The following IRAK1 variants were observed in gnomAD, a reference collection of about 807,000 sequenced individuals.
The protein encoded by IRAK1 is interleukin-1 receptor-associated kinase 1.
In IRAK1, 9 loss-of-function variants were observed where a neutral mutation model predicts 49.8. That is an observed-to-expected ratio of 0.18 (90% CI 0.11 to 0.32). The LOEUF is 0.32. IRAK1 is among the 10% of genes least tolerant of loss of function. IRAK1 has a pLI of 1.00. For missense variants in IRAK1, 418 were observed against 600.5 expected (o/e 0.70, Z 3.18); for synonymous variants, 282 against 270.8 (o/e 1.04, Z -0.41).
chrX:154,018,963 G>A lies in IRAK1; in HGVS notation c.540+12C>T, dbSNP rs1557130508. The A allele has an allele frequency of 2.6e-6, 3 of 1,162,668 alleles. No individual in the cohort carries two copies. Among genetic ancestry groups the A allele is most frequent in the Non-Finnish European group, 3.5e-6 (3 of 860,588 alleles). The stretch of plus-strand genomic sequence containing the variant: ...TGTCTCGAATCTTCCCTGGGGGGCA[G>A]GGGACACCTACCTTGGTAGAAGAAG... On this transcript the variant is annotated intron_variant, in intron 4 of 13. Transcript: ENST00000369980.
In IRAK1 at chrX:154,013,115, A is replaced by G. The variant is rs782809222; in HGVS notation, c.1858T>C (p.Cys620Arg). Residue 620 changes from cysteine to arginine, a missense_variant, in exon 12 of 14, where the codon TGT becomes CGT. Around this residue, in one of 3 missense-constraint regions of IRAK1, gnomAD observed 377 missense variants for 499.5 expected, o/e 0.75. Transcript: ENST00000369980. The part of the protein sequence containing the change: ...LDPAPLREAG[C>R]PQGDTAGESS... The stretch of plus-strand genomic sequence containing the variant: ...TCTCCTGCCGTGTCCCCCTGAGGAC[A>G]GCCGGCCTCCCTGAGGGGTGCTGGG... The G allele has an allele frequency of 8.3e-7, 1 of 1,209,808 alleles. No homozygotes were observed. Among genetic ancestry groups the G allele is most frequent in the Non-Finnish European group, 1.1e-6 (1 of 895,215 alleles).
At position 154,018,035 on chromosome X, in the gene IRAK1, C is replaced by T; in HGVS notation, c.880G>A (p.Gly294Ser). Reference protein sequence around the residue: ...YCLVYGFLPNGSLEDRLHCQT... With the variant: ...YCLVYGFLPNSSLEDRLHCQT... ...CAGTGGAGACGGTCCTCCAGGGAGC[C>T]GTTGGGCAGGAAGCCGTACACCAGG... The change falls in exon 7 of 14, where the codon GGC (glycine) becomes AGC (serine). Residue 294 changes from glycine to serine, a missense_variant. This residue lies in a region of IRAK1 where 377 missense variants were observed against 499.5 expected (regional missense o/e 0.75). Coordinates refer to ENST00000369980, the MANE Select transcript of IRAK1 (RefSeq NM_001569.4). 5 of 1,209,131 alleles carry T rather than the reference C, an allele frequency of 4.1e-6. No homozygotes were observed. Among genetic ancestry groups the T allele is most frequent in the Non-Finnish European group, 5.6e-6 (5 of 893,068 alleles).
At chrX:154,013,502 A>T in intron 11 of IRAK1, 69 bp from the exon 12 acceptor site, 1 of 1,051,262 alleles carries the variant, frequency 9.5e-7, no homozygotes, top group Non-Finnish European at 1.3e-6. Flanking sequence ...TGGGCAAACC[A>T]CAGGGCTGCT....
chrX:154,014,162 G>A lies in IRAK1; in HGVS notation c.1419C>T (p.Ile473=). ...DAWAAPIAMQ[I]YKKHLDPRPG... ...GCCTGGGGTCCAGGTGCTTCTTGTA[G>A]ATCTGCATGGCGATGGGAGCAGCCC... The change falls in exon 11 of 14, where the codon ATC becomes ATT. Residue 473 remains isoleucine (I), a synonymous_variant. Transcript: ENST00000369980. The A allele has an allele frequency of 1.7e-6, 2 of 1,210,300 alleles. No homozygotes were observed. The highest frequency in any genetic ancestry group is 2.2e-6 in the Non-Finnish European group (2 of 894,901).
rs5986949 is a variant in IRAK1 at position 154,017,253 on chromosome X, G to A, written c.910-186C>T. 4.5e-3 allele frequency among the ~76,000 whole-genome samples: 504 copies of A among 112,638 alleles called. 3 individuals carry two copies. The highest frequency in any genetic ancestry group is 0.016 in the African/African-American group (484 of 31,070). On this transcript the variant is annotated intron_variant, in intron 7 of 13. Transcript: ENST00000369980. ...CTTCTTAAGCAATGGCTGGGGACACGTTCAATAGAATCTGCTGGGCTTCGG... is the reference window on the plus strand; with the variant it reads ...CTTCTTAAGCAATGGCTGGGGACACATTCAATAGAATCTGCTGGGCTTCGG...
At position 154,011,760 on chromosome X, in the gene IRAK1, C is replaced by T; in HGVS notation, c.*99G>A. On this transcript the variant is annotated 3_prime_UTR_variant, in exon 14 of 14. Coordinates refer to ENST00000369980, the MANE Select transcript of IRAK1 (RefSeq NM_001569.4). ...TCCCCCGCGGGCATGGGCCCCCACC[C>T]CCACTGCCGGCAGAGTGCTGAGGAC... The T allele has an allele frequency of 1.1e-6, 1 of 876,957 alleles. No individual in the cohort carries two copies. The highest frequency in any genetic ancestry group is 1.7e-6 in the Non-Finnish European group (1 of 590,363). The allele number at this position is 876,957 out of a possible 1,213,427, so 72.3% of individuals were successfully genotyped here. A position where few individuals can be genotyped will look rare whatever the true frequency, so the allele number is the denominator to read the frequency against.
chrX:154,013,236 C>T lies in IRAK1; in HGVS notation c.1737G>A (p.Gln579=). 1 of 1,210,444 alleles carries T rather than the reference C, an allele frequency of 8.3e-7. No homozygotes were observed. Residue 579 remains glutamine, a synonymous_variant, in exon 12 of 14, where the codon CAG becomes CAA. Transcript: ENST00000369980. Reference sequence around the variant, plus strand: ...TCTCCACGGGCTGGTTGGGGCCTCTCTGCAGCTGCTCTGCTGCCTGGGCAC... The same window carrying T: ...TCTCCACGGGCTGGTTGGGGCCTCTTTGCAGCTGCTCTGCTGCCTGGGCAC... ...GASAQAAEQL[Q]RGPNQPVESD... is the part of the protein sequence containing the mutation.
Position 154,011,379 on chromosome X carries a change from C to G in IRAK1, c.*480G>C. ...TGCTGGGATTACAGGCGTGAGCCAC[C>G]GCACCCGGCCACACTTTTCCAAATT... On this transcript the variant is annotated 3_prime_UTR_variant, in exon 14 of 14. Transcript: ENST00000369980. 8.1e-6 allele frequency: 2 copies of G among 247,958 alleles called. No individual in the cohort carries two copies. Among genetic ancestry groups the G allele is most frequent in the South Asian group, 8.5e-5 (2 of 23,573 alleles). The allele number at this position is 247,958 out of a possible 1,213,427, so 20.4% of individuals were successfully genotyped here.
Position 154,018,117 on chromosome X carries a change from A to G in IRAK1, c.798T>C (p.Phe266=). Residue 266 remains phenylalanine, a synonymous_variant, in exon 7 of 14, where the codon TTT becomes TTC. Coordinates refer to ENST00000369980, the MANE Select transcript of IRAK1 (RefSeq NM_001569.4). ...CAAAGTCCACAATGTTTGGGTGACGAAACCTGTTTGAAAAAGGGGAGCACT... is the reference window on the plus strand; with the variant it reads ...CAAAGTCCACAATGTTTGGGTGACGGAACCTGTTTGAAAAAGGGGAGCACT... ...FLTEVEQLSR[F]RHPNIVDFAG... 1 of 1,200,212 alleles carries G rather than the reference A, an allele frequency of 8.3e-7. No individual in the cohort carries two copies. The highest frequency in any genetic ancestry group is 1.1e-6 in the Non-Finnish European group (1 of 884,462).
At position 154,012,491 on chromosome X, in the gene IRAK1, C is replaced by T. The variant is rs782625671; in HGVS notation, c.2080+38G>A. On this transcript the variant is annotated intron_variant, in intron 13 of 13. Transcript: ENST00000369980. ...CTGCTCTTTGGGGCTGACACGGATGCGCCTGAGCACCCCAGAGGCCAGCCT... is the reference window on the plus strand; with the variant it reads ...CTGCTCTTTGGGGCTGACACGGATGTGCCTGAGCACCCCAGAGGCCAGCCT... 71 of 1,180,201 alleles carry T rather than the reference C, an allele frequency of 6.0e-5. 1 individual carries two copies. The highest frequency in any genetic ancestry group is 4.2e-4 in the African/African-American group (24 of 56,943).
chrX:154,019,640 C>T, intron 1 of IRAK1, 37 bp downstream of exon 1: 1 of 959,358 alleles, frequency 1.0e-6, no homozygotes, highest in Non-Finnish European at 1.3e-6. Flanking sequence ...CAGGAGCCCG[C>T]GCGCCTCCCG....
At chrX:154,019,117 C>T in intron 3 of IRAK1, 39 bp from the exon 4 acceptor site, 3 of 1,200,537 alleles carry the variant, frequency 2.5e-6, no homozygotes, top group Non-Finnish European at 2.3e-6. Flanking sequence ...CAGAGACCAG[C>T]AGCAGGGTCT....
rs2065696649 is a variant in IRAK1 at position 154,011,365 on chromosome X, C to T, written c.*494G>A. The T allele has an allele frequency of 1.2e-5, 3 of 246,881 alleles. No homozygotes were observed. Among genetic ancestry groups the T allele is most frequent in the African/African-American group, 2.8e-5 (1 of 35,140 alleles). The allele number at this position is 246,881 out of a possible 1,213,427, so 20.3% of individuals were successfully genotyped here. ...TTGGCCTCCCAAAGTGCTGGGATTA[C>T]AGGCGTGAGCCACCGCACCCGGCCA... On this transcript the variant is annotated 3_prime_UTR_variant, in exon 14 of 14. Transcript: ENST00000369980.
rs1219034643 is a variant in IRAK1, at chrX:154,011,520, GCT to G, written c.*337_*338del. Reference sequence around the variant, plus strand: ...GCCTGGGCTGCAGACGCCCTGCATGGCTCTCAGGGGAGCCAGCTCCCTACTCC... The same window carrying G: ...GCCTGGGCTGCAGACGCCCTGCATGGCTCAGGGGAGCCAGCTCCCTACTCC... On this transcript the variant is annotated 3_prime_UTR_variant, in exon 14 of 14. Coordinates refer to ENST00000369980, the MANE Select transcript of IRAK1 (RefSeq NM_001569.4). 5 of 338,475 alleles carry G rather than the reference GCT, an allele frequency of 1.5e-5. No homozygotes were observed. The East Asian group carries it at 2.9e-4, about 20-fold the overall frequency. 27.9% of individuals were successfully genotyped at this position (338,475 alleles called of 1,213,427 possible). A position where few individuals can be genotyped will look rare whatever the true frequency, so the allele number is the denominator to read the frequency against.
Position 154,013,381 on chromosome X carries a change from T to G in IRAK1, c.1592A>C (p.His531Pro). Residue 531 changes from histidine (H) to proline (P), a missense_variant, in exon 12 of 14, where the codon CAT becomes CCT. Around this residue, in one of 3 missense-constraint regions of IRAK1, gnomAD observed 377 missense variants for 499.5 expected, o/e 0.75. Coordinates refer to ENST00000369980, the MANE Select transcript of IRAK1 (RefSeq NM_001569.4). ...GGGGATGCAGCTGGCGGCCTCCGAA[T>G]GCCCGGGCACCCCCGCCACCACTGC... ...LQAVVAGVPG[H>P]SEAASCIPPS... The G allele has an allele frequency of 8.3e-7, 1 of 1,201,755 alleles. No individual in the cohort carries two copies. Among genetic ancestry groups the G allele is most frequent in the Non-Finnish European group, 1.1e-6 (1 of 891,617 alleles).
Position 154,018,673 on chromosome X carries a change from C to T in IRAK1, c.655G>A (p.Gly219Arg), listed in dbSNP as rs1569547814. ...THNFSEELKI[G>R]EGGFGCVYRA... ...TACACGCACCCAAAGCCACCCTCCC[C>T]GATCTTGAGCTCCTCCGAGAAGTTG... Residue 219 changes from glycine to arginine, a missense_variant, in exon 5 of 14, where the codon GGG (glycine) becomes AGG (arginine). Gly to Arg is a moderately radical substitution (Grantham distance 125). Transcript: ENST00000369980. 8.3e-7 allele frequency: 1 copy of T among 1,205,317 alleles called. No homozygotes were observed.
intron 13 of IRAK1, 56 bp from the exon 14 acceptor site, chrX:154,011,973 AG>A: frequency 9.5e-7 from 1 of 1,053,258 alleles, no homozygotes; most frequent in South Asian, 1.9e-5. Flanking sequence ...CCCTACTGCC[AG>A]AAGCCCTGGC....
intron 11 of IRAK1, 70 bp from the exon 12 acceptor site, chrX:154,013,503 C>G: frequency 9.5e-7 from 1 of 1,047,737 alleles, no homozygotes; most frequent in Non-Finnish European, 1.3e-6. Flanking sequence ...GGGCAAACCA[C>G]AGGGCTGCTC....
rs782132743 is a variant in IRAK1, at chrX:154,013,229, G to A, written c.1744C>T (p.Pro582Ser). ...AQAAEQLQRG[P>S]NQPVESDESL... The stretch of plus-strand genomic sequence containing the variant: ...TCGTCACTCTCCACGGGCTGGTTGG[G>A]GCCTCTCTGCAGCTGCTCTGCTGCC... Residue 582 changes from proline (P) to serine (S), a missense_variant, in exon 12 of 14, where the codon CCC (proline) becomes TCC (serine). Physicochemically the swap from Pro to Ser is moderately conservative, Grantham distance 74. Coordinates refer to ENST00000369980, the MANE Select transcript of IRAK1 (RefSeq NM_001569.4). 4 of 1,210,280 alleles carry A rather than the reference G, an allele frequency of 3.3e-6. No homozygotes were observed. The highest frequency in any genetic ancestry group is 1.7e-5 in the African/African-American group (1 of 58,056).
Sources: allele counts gnomAD v4.1 joint callset (sites outside exome capture counted in the v4.1 genomes callset), GRCh38; gene constraint gnomAD v4.1.1; regional missense constraint gnomAD v4.1.1; transcripts MANE v1.5; gene names NCBI Gene and HGNC (gene_info 2026-07-23, HGNC 2026-07-21).